The following HACL1 variants were observed in gnomAD, a reference collection of about 807,000 sequenced individuals.
HACL1 encodes 1600020H07Rik.
HACL1 carries 64 observed loss-of-function variants against 74.2 expected under a neutral mutation model. The ratio of observed to expected loss-of-function variants is 0.86; its 90% CI spans 0.70 to 1.06. The LOEUF (loss-of-function observed/expected upper bound fraction) is 1.06. HACL1 is among the 50% of genes least tolerant of loss of function. The pLI is 0.00. For synonymous variants in HACL1, 230 were observed against 238.8 expected (o/e 0.96, Z 0.34); for missense variants, 728 against 719.7 (o/e 1.01, Z -0.13).
intron 3 of HACL1, among the ~76,000 whole-genome samples, chr3:15,594,279 A>T (rs1443174793): frequency 1.3e-5 from 2 of 152,080 alleles, no homozygotes; most frequent in African/African-American, 4.8e-5. Flanking sequence ...GGTGGTGCAC[A>T]CCTGTAGTGC....
In HACL1 at chr3:15,563,229, G is replaced by A. The variant is rs2063374546; in HGVS notation, c.1704+129C>T. 7.8e-6 allele frequency: 5 copies of A among 641,346 alleles called. No homozygotes were observed. The Admixed American group carries it at 8.9e-5, about 11-fold the overall frequency. The allele number at this position is 641,346 out of a possible 1,614,324, so 39.7% of individuals were successfully genotyped here. On this transcript the variant is annotated intron_variant, in intron 16 of 16. Transcript: ENST00000321169. ...ATTCACTGAACAAGTACATGAAACT[G>A]CCAAACTCAGAAATGGTTTAGAAAG... is the stretch of plus-strand genomic sequence containing the variant.
intron 11 of HACL1, among the ~76,000 whole-genome samples, 196 bp from the exon 12 acceptor site, chr3:15,571,965 G>C (rs1485337614): frequency 1.2e-4 from 18 of 147,698 alleles, no homozygotes; most frequent in African/African-American, 4.5e-4. Context: ...TCAACCTCCT[G>C]AGTAGCTGGG....
chr3:15,570,180 C>T (rs1330621870), intron 12 of HACL1, among the ~76,000 whole-genome samples: 1 of 151,132 alleles, frequency 6.6e-6, no homozygotes, highest in Non-Finnish European at 1.5e-5. Flanking sequence ...ACCAAAAATA[C>T]AAAAATTAGC....
chr3:15,597,231 T>C (rs1267975868), intron 2 of HACL1, among the ~76,000 whole-genome samples: 2 of 152,236 alleles, frequency 1.3e-5, no homozygotes, highest in Non-Finnish European at 2.9e-5. Context: ...AAAAGTATGT[T>C]GCTTAATTTC....
At chr3:15,565,026 A>G (rs967905521) in intron 14 of HACL1, among the ~76,000 whole-genome samples, 2 of 152,100 alleles carry the variant, frequency 1.3e-5, no homozygotes, top group African/African-American at 2.4e-5. Context: ...TTAGCTGTGC[A>G]TGGTGGCATG....
chr3:15,593,254 C>G (rs899970187), intron 3 of HACL1, among the ~76,000 whole-genome samples: 2 of 151,142 alleles, frequency 1.3e-5, no homozygotes, highest in South Asian at 4.2e-4. Context: ...CACTCTGTTG[C>G]TCAGGCTGGA....
At chr3:15,581,939 A>G (rs909198103) in intron 8 of HACL1, among the ~76,000 whole-genome samples, 7 of 152,228 alleles carry the variant, frequency 4.6e-5, no homozygotes, top group Non-Finnish European at 1.0e-4. Context: ...ATTATATCCT[A>G]TTGAGGTAGT....
chr3:15,592,481 T>TACACACGTATACATAC (rs139294939), intron 3 of HACL1, among the ~76,000 whole-genome samples: 3 of 138,068 alleles, frequency 2.2e-5, no homozygotes, highest in African/African-American at 5.5e-5. Flanking sequence ...CACGTATACA[T>TACACACGTATACATAC]ACACTTGTAT....
chr3:15,582,696 G>C (rs1221853056), intron 8 of HACL1, among the ~76,000 whole-genome samples, 181 bp downstream of exon 8: 1 of 152,058 alleles, frequency 6.6e-6, no homozygotes, highest in Non-Finnish European at 1.5e-5. Flanking sequence ...CCTTAAAAGG[G>C]TGAAATCTCT....
intron 16 of HACL1, among the ~76,000 whole-genome samples, chr3:15,562,530 A>G (rs1475561701): frequency 6.6e-6 from 1 of 152,208 alleles, no homozygotes; most frequent in African/African-American, 2.4e-5. Context: ...TTTGTTCACA[A>G]AAGAAAGAGA....
At position 15,593,065 on chromosome 3, in the gene HACL1, CA is replaced by C. The variant is rs200981409; in HGVS notation, c.228-1386del. Among the ~76,000 whole-genome samples, 6 of 144,310 alleles carry C rather than the reference CA, an allele frequency of 4.2e-5. 1 individual carries two copies. The highest frequency in any genetic ancestry group is 1.6e-4 in the African/African-American group (6 of 37,556). The allele number at this position is 144,310 out of a possible 152,430, so 94.7% of individuals were successfully genotyped here. On this transcript the variant is annotated intron_variant, in intron 3 of 16. Coordinates refer to ENST00000321169, the MANE Select transcript of HACL1 (RefSeq NM_012260.4). ...TCTGGGCAAGAGTGAGATGCTATCT[CA>C]AAAAAAGTGTATATATACACACACA...
Position 15,596,241 on chromosome 3 carries a change from G to A in HACL1, c.227+143C>T, listed in dbSNP as rs945024264. 9 of 617,994 alleles carry A rather than the reference G, an allele frequency of 1.5e-5. No individual in the cohort carries two copies. The African/African-American group carries it at 1.5e-4, about 10-fold the overall frequency. 38.3% of individuals were successfully genotyped at this position (617,994 alleles called of 1,614,324 possible). The stretch of plus-strand genomic sequence containing the variant: ...CATTATTCTTTTGATGTGGTCCTCA[G>A]AGAGTTTTAAATGTTTTTTATCCTT... On this transcript the variant is annotated intron_variant, in intron 3 of 16. Transcript: ENST00000321169.
At chr3:15,586,159 C>T (rs79010354) in intron 6 of HACL1, among the ~76,000 whole-genome samples, 3,015 of 152,162 alleles carry the variant, frequency 0.02, 102 homozygotes, top group African/African-American at 0.069. Context: ...AATTAACTAA[C>T]GGAGGGTCTT....
At chr3:15,597,305 G>T (rs1273046779) in intron 2 of HACL1, among the ~76,000 whole-genome samples, 2 of 152,040 alleles carry the variant, frequency 1.3e-5, no homozygotes, top group Non-Finnish European at 2.9e-5. Flanking sequence ...ACATGGTCAG[G>T]TGACATATAC....
intron 3 of HACL1, 38 bp from the exon 4 acceptor site, chr3:15,591,718 T>A: frequency 7.6e-7 from 1 of 1,315,372 alleles, no homozygotes. Flanking sequence ...TCAGGTCAAA[T>A]GTAACAACTG....
At chr3:15,562,805 G>GT (rs1399612259) in intron 16 of HACL1, among the ~76,000 whole-genome samples, 3 of 152,146 alleles carry the variant, frequency 2.0e-5, no homozygotes, top group African/African-American at 7.2e-5. Flanking sequence ...AATTTTGAAT[G>GT]TACCTGCACA....
chr3:15,565,270 T>C (rs980617649), intron 14 of HACL1, among the ~76,000 whole-genome samples: 1 of 152,182 alleles, frequency 6.6e-6, no homozygotes, highest in East Asian at 1.9e-4. Context: ...AGATGGTATA[T>C]GAAGAACACC....
chr3:15,589,925 C>T (rs2063859541), intron 4 of HACL1, among the ~76,000 whole-genome samples: 2 of 151,998 alleles, frequency 1.3e-5, no homozygotes, highest in African/African-American at 4.8e-5. Flanking sequence ...ATCCCAGCTA[C>T]TTGGGAGGCT....
At chr3:15,600,630 T>C (rs1201826397) in intron 2 of HACL1, among the ~76,000 whole-genome samples, 1 of 152,238 alleles carries the variant, frequency 6.6e-6, no homozygotes. Context: ...CAACAAAGCC[T>C]TGGCCTTCAC....
Sources: allele counts gnomAD v4.1 joint callset (sites outside exome capture counted in the v4.1 genomes callset), GRCh38; gene constraint gnomAD v4.1.1; transcripts MANE v1.5; gene names NCBI Gene and HGNC (gene_info 2026-07-23, HGNC 2026-07-21).